Variants in HS6ST2 observed in about 807,000 individuals in gnomAD.
HS6ST2 encodes the protein heparan sulfate 6-O-sulfotransferase 2, also known as heparan-sulfate 6-O-sulfotransferase 2.
A neutral mutation model predicts 33.0 loss-of-function variants in HS6ST2; 17 were observed. The observed-to-expected ratio is 0.52, with a 90% CI of 0.35 to 0.77. HS6ST2 has a LOEUF of 0.77. Among genes scored for constraint, HS6ST2 ranks in the 30% least tolerant of loss-of-function variants. The probability of loss-of-function intolerance (pLI) is 0.01; values close to 1 mark genes in which losing one functional copy is unlikely to be tolerated. For missense variants in HS6ST2, 519 were observed against 551.7 expected (o/e 0.94, Z 0.59); for synonymous variants, 248 against 237.1 (o/e 1.05, Z -0.42).
At chrX:132,730,907 T>C (rs983616796) in intron 2 of HS6ST2, among the ~76,000 whole-genome samples, 3 of 111,662 alleles carry the variant, frequency 2.7e-5, no homozygotes, top group Non-Finnish European at 3.8e-5. Flanking sequence ...TGGGAAGCCA[T>C]TGAAACACAC....
chrX:132,930,870 C>T (rs1322412400), intron 2 of HS6ST2, among the ~76,000 whole-genome samples: 1 of 111,649 alleles, frequency 9.0e-6, no homozygotes, highest in Admixed American at 9.5e-5. Flanking sequence ...ATATGCTAAA[C>T]CTAAACAGGG....
At position 132,904,794 on chromosome X, in the gene HS6ST2, C is replaced by T. The variant is rs57604782; in HGVS notation, c.947+52014G>A. 8.6e-3 allele frequency among the ~76,000 whole-genome samples: 941 copies of T among 108,788 alleles called. 15 individuals are homozygous for T. The highest frequency in any genetic ancestry group is 0.03 in the African/African-American group (881 of 29,798). The allele number at this position is 108,788 out of a possible 115,157, so 94.5% of individuals were successfully genotyped here. On this transcript the variant is annotated intron_variant, in intron 2 of 4. Transcript: ENST00000370833. The stretch of plus-strand genomic sequence containing the variant: ...CCTCCCACATTGGCCTCCCAAAGTG[C>T]TGAGATTACAGGTGTGAGCAACCAC...
intron 2 of HS6ST2, among the ~76,000 whole-genome samples, chrX:132,784,556 C>T (rs1021734058): frequency 3.6e-5 from 4 of 111,647 alleles, no homozygotes; most frequent in South Asian, 3.8e-4. Context: ...GTGATCTGCC[C>T]GCCTTGGCCT....
chrX:132,900,969 T>C (rs1405564458), intron 2 of HS6ST2, among the ~76,000 whole-genome samples: 1 of 112,398 alleles, frequency 8.9e-6, no homozygotes, highest in African/African-American at 3.2e-5. Context: ...CTTTCTCTGA[T>C]GAAAATAGAT....
intron 2 of HS6ST2, among the ~76,000 whole-genome samples, chrX:132,786,816 T>G (rs746936316): frequency 9.2e-6 from 1 of 108,494 alleles, no homozygotes; most frequent in East Asian, 2.9e-4. Context: ...GAGACGAGGT[T>G]TCACCATGTT....
chrX:132,640,257 T>A (rs1047633464), intron 4 of HS6ST2, among the ~76,000 whole-genome samples: 2 of 110,149 alleles, frequency 1.8e-5, no homozygotes, highest in African/African-American at 6.6e-5. Flanking sequence ...CATACAGAGA[T>A]TAAGTGAGAA....
intron 2 of HS6ST2, among the ~76,000 whole-genome samples, chrX:132,826,667 A>G: frequency 9.1e-6 from 1 of 110,154 alleles, no homozygotes; most frequent in Admixed American, 9.7e-5. Flanking sequence ...ATATATATAA[A>G]GGGCCACTGC....
chrX:132,673,961 G>T (rs192262684), intron 3 of HS6ST2, among the ~76,000 whole-genome samples: 1 of 111,739 alleles, frequency 8.9e-6, no homozygotes, highest in Admixed American at 9.5e-5. Flanking sequence ...TAATACTTTC[G>T]CATTTCATTT....
chrX:132,731,303 A>G (rs1414221613), intron 2 of HS6ST2, among the ~76,000 whole-genome samples: 1 of 111,391 alleles, frequency 9.0e-6, no homozygotes, highest in African/African-American at 3.3e-5. Context: ...TTCATTTCAC[A>G]TTCTCTCCCT....
intron 2 of HS6ST2, chrX:132,758,404 C>T (rs1216157199): frequency 8.9e-6 from 1 of 111,976 alleles, no homozygotes; most frequent in East Asian, 2.8e-4. Flanking sequence ...AGACACTCTT[C>T]ATATATTTCC....
intron 4 of HS6ST2, among the ~76,000 whole-genome samples, chrX:132,651,485 T>C (rs531776842): frequency 8.9e-6 from 1 of 112,230 alleles, no homozygotes; most frequent in South Asian, 3.7e-4. Context: ...CAGAAATAGT[T>C]CTTAAATACT....
intron 2 of HS6ST2, among the ~76,000 whole-genome samples, chrX:132,813,975 C>T (rs1476653315): frequency 6.3e-5 from 7 of 111,554 alleles, no homozygotes; most frequent in South Asian, 3.8e-4. Flanking sequence ...GATGGAGTCT[C>T]GCTCTGTCGC....
intron 2 of HS6ST2, among the ~76,000 whole-genome samples, chrX:132,835,699 TG>T (rs1258890076): frequency 8.9e-6 from 1 of 112,207 alleles, no homozygotes; most frequent in Non-Finnish European, 1.9e-5. Flanking sequence ...GCAGATCACC[TG>T]AGGTCAGGAG....
chrX:132,772,608 A>G (rs2064911432), intron 2 of HS6ST2, among the ~76,000 whole-genome samples: 2 of 101,870 alleles, frequency 2.0e-5, no homozygotes, highest in African/African-American at 7.1e-5. Flanking sequence ...ATTGTACACA[A>G]TATAAATAAT....
intron 2 of HS6ST2, among the ~76,000 whole-genome samples, chrX:132,841,022 G>A (rs1476827462): frequency 8.9e-6 from 1 of 111,924 alleles, no homozygotes; most frequent in African/African-American, 3.2e-5. Flanking sequence ...GTTACAAGTG[G>A]TGAGAAAGCC....
intron 2 of HS6ST2, among the ~76,000 whole-genome samples, chrX:132,754,731 T>G (rs192509263): frequency 9.2e-5 from 10 of 108,813 alleles, no homozygotes; most frequent in East Asian, 2.9e-4. Flanking sequence ...CCTTTTTTTT[T>G]GACAGGATCT....
At chrX:132,898,381 T>TGATATATA (rs2066396699) in intron 2 of HS6ST2, among the ~76,000 whole-genome samples, 1 of 89,223 alleles carries the variant, frequency 1.1e-5, no homozygotes, top group Non-Finnish European at 2.2e-5. Context: ...CAACATAAGG[T>TGATATATA]TATATATATA....
At position 132,778,012 on chromosome X, in the gene HS6ST2, G is replaced by A. The variant is rs140294634; in HGVS notation, c.948-69518C>T. Among the ~76,000 whole-genome samples, 721 of 111,963 alleles carry A rather than the reference G, an allele frequency of 6.4e-3. 4 individuals are homozygous for A. Among genetic ancestry groups the A allele is most frequent in the Middle Eastern group, 0.014 (3 of 218 alleles). ...GAATTCCGATTATGCAGCAGACACC[G>A]GGCTATGCTCACTTCTCCAGTTTTG... On this transcript the variant is annotated intron_variant, in intron 2 of 4. Transcript: ENST00000370833.
intron 2 of HS6ST2, among the ~76,000 whole-genome samples, chrX:132,908,393 C>T (rs2066496393): frequency 8.9e-6 from 1 of 112,088 alleles, no homozygotes; most frequent in Admixed American, 9.5e-5. Flanking sequence ...ATCACATGAC[C>T]CAGCAATTCT....
Sources: gnomAD v4.1 joint callset for allele counts (sites outside exome capture counted in the v4.1 genomes callset) on GRCh38, gnomAD v4.1.1 for gene constraint, MANE v1.5 for transcripts, NCBI Gene and HGNC (gene_info 2026-07-23, HGNC 2026-07-21) for gene names.